The following DDHD2 variants were observed in gnomAD, a reference collection of about 807,000 sequenced individuals.
The protein encoded by DDHD2 is triacylglycerol hydrolase DDHD2.
DDHD2 carries 62 observed loss-of-function variants against 91.2 expected under a neutral mutation model. The ratio of observed to expected loss-of-function variants is 0.68; its 90% CI spans 0.55 to 0.84. DDHD2 has a LOEUF of 0.84. DDHD2 is among the 40% of genes least tolerant of loss of function. The pLI, the probability that DDHD2 is intolerant of heterozygous loss-of-function variation, is 0.00. For synonymous variants in DDHD2, 271 were observed against 293.9 expected (o/e 0.92, Z 0.80); for missense variants, 740 against 846.9 (o/e 0.87, Z 1.57).
rs746480457 is a variant in DDHD2, at chr8:38,252,731, G to A, written c.1627G>A (p.Val543Met). 6.2e-6 allele frequency: 10 copies of A among 1,612,770 alleles called. No homozygotes were observed. In the East Asian group the frequency reaches 1.8e-4, roughly 29 times the overall value. The change falls in exon 14 of 18, where the codon GTG becomes ATG. Residue 543 changes from valine (V) to methionine (M), a missense_variant. By Grantham distance (21) the Val-to-Met change is conservative. This residue lies in a region of DDHD2 where 693 missense variants were observed against 764.2 expected (regional missense o/e 0.91). Coordinates refer to ENST00000397166, the MANE Select transcript of DDHD2 (RefSeq NM_015214.3). ...TGTTTTTCCTATGTAGTTTGATCCTGTGGCCTATAGGATTGAACCAATGGT... is the reference window on the plus strand; with the variant it reads ...TGTTTTTCCTATGTAGTTTGATCCTATGGCCTATAGGATTGAACCAATGGT... ...FFNIYHPFDP[V>M]AYRIEPMVVP...
intron 3 of DDHD2, 70 bp downstream of exon 3, chr8:38,234,654 A>G (rs1804563532): frequency 7.5e-7 from 1 of 1,334,580 alleles, no homozygotes; most frequent in African/African-American, 1.5e-5. Flanking sequence ...TTCCTTTGTA[A>G]TTTATTTTGT....
In DDHD2 at chr8:38,252,173, A is replaced by G; in HGVS notation, c.1503A>G (p.Ile501Met). The G allele has an allele frequency of 6.2e-7, 1 of 1,614,192 alleles. No homozygotes were observed. The highest frequency in any genetic ancestry group is 8.5e-7 in the Non-Finnish European group (1 of 1,180,028). ...CCCGGCTCATCTATAAACCAGAGAT[A>G]TTCTTTGCCTTTGGATCTCCCATTG... is the stretch of plus-strand genomic sequence containing the variant. ...KYPRLIYKPE[I>M]FFAFGSPIGM... Residue 501 changes from isoleucine (I) to methionine (M), a missense_variant, in exon 13 of 18, where the codon ATA becomes ATG. Physicochemically the swap from Ile to Met is conservative, Grantham distance 10. This residue lies in a region of DDHD2 where 693 missense variants were observed against 764.2 expected (regional missense o/e 0.91). Coordinates refer to ENST00000397166, the MANE Select transcript of DDHD2 (RefSeq NM_015214.3).
rs1043941173 is a variant in DDHD2, at chr8:38,241,586, A to G, written c.713-664A>G. ...CAGGCGCACACCACCATGCCTGGCT[A>G]ATTTTTGTATTTTTAGTAGATGGGG... is the stretch of plus-strand genomic sequence containing the variant. On this transcript the variant is annotated intron_variant, in intron 6 of 17. Transcript: ENST00000397166. Among the ~76,000 whole-genome samples the G allele has an allele frequency of 4.0e-5, 6 of 151,390 alleles. 1 individual carries two copies. The highest frequency in any genetic ancestry group is 2.0e-4 in the Admixed American group (3 of 15,200).
rs1193237126 is a variant in DDHD2, at chr8:38,268,597, G to GGCAGCGCCACCAGTGAACA, written n.88-2516_88-2498dup. On this transcript the variant is annotated intron_variant and non_coding_transcript_variant, in intron 1 of 1. Transcript: ENST00000526071. ...TCTGAGTGCGCGTAACCGGGCGCCA[G>GGCAGCGCCACCAGTGAACA]GCAGCGCCACCAGTGAACAGCAGCG... The GGCAGCGCCACCAGTGAACA allele has an allele frequency of 4.8e-6, 7 of 1,454,644 alleles. No homozygotes were observed. The African/African-American group carries it at 9.9e-5, about 21-fold the overall frequency. 90.1% of individuals were successfully genotyped at this position (1,454,644 alleles called of 1,614,324 possible). A position where few individuals can be genotyped will look rare whatever the true frequency, so the allele number is the denominator to read the frequency against.
rs1398675996 is a variant in DDHD2 at position 38,261,839 on chromosome 8, T to C, written c.*1266T>C. On this transcript the variant is annotated 3_prime_UTR_variant, in exon 18 of 18. Transcript: ENST00000397166. ...GTCATTGTCTTTGTAGTTCTCTTTA[T>C]GATAATCCTTTATACTTGCTCTCAG... 1 of 152,224 alleles carries C rather than the reference T, an allele frequency of 6.6e-6. No homozygotes were observed. Among genetic ancestry groups the C allele is most frequent in the East Asian group, 1.9e-4 (1 of 5,206 alleles). 9.4% of individuals were successfully genotyped at this position (152,224 alleles called of 1,614,324 possible). A position where few individuals can be genotyped will look rare whatever the true frequency, so the allele number is the denominator to read the frequency against.
In DDHD2 at chr8:38,253,625, A is replaced by G. The variant is rs752343576; in HGVS notation, c.1961A>G (p.Asn654Ser). 4 of 1,614,092 alleles carry G rather than the reference A, an allele frequency of 2.5e-6. No homozygotes were observed. Among genetic ancestry groups the G allele is most frequent in the Non-Finnish European group, 3.4e-6 (4 of 1,179,900 alleles). ...CTGCCTATCAATGTGGGGATGCTGA[A>G]TGGAGGCCAACGCATTGACTATGTG... is the stretch of plus-strand genomic sequence containing the variant. Reference protein sequence around the residue: ...EVLPINVGMLNGGQRIDYVLQ... With the variant: ...EVLPINVGMLSGGQRIDYVLQ... The change falls in exon 16 of 18, where the codon AAT (asparagine) becomes AGT (serine). Residue 654 changes from asparagine to serine, a missense_variant. Coordinates refer to ENST00000397166, the MANE Select transcript of DDHD2 (RefSeq NM_015214.3).
Position 38,245,810 on chromosome 8 carries a change from A to G in DDHD2, c.917A>G (p.Asp306Gly). The G allele has an allele frequency of 6.2e-7, 1 of 1,614,182 alleles. No homozygotes were observed. The highest frequency in any genetic ancestry group is 8.5e-7 in the Non-Finnish European group (1 of 1,180,022). ...LRHFTNDTILDVFFYNSPTYC... is the reference protein window; with the variant it reads ...LRHFTNDTILGVFFYNSPTYC... ...CACTTCACCAATGACACAATTCTGGATGTCTTCTTCTACAATAGTCCCACC... is the reference window on the plus strand; with the variant it reads ...CACTTCACCAATGACACAATTCTGGGTGTCTTCTTCTACAATAGTCCCACC... The change falls in exon 8 of 18, where the codon GAT (aspartate) becomes GGT (glycine). Residue 306 changes from aspartate (D) to glycine (G), a missense_variant. By Grantham distance (94) the Asp-to-Gly change is moderately conservative. Coordinates refer to ENST00000397166, the MANE Select transcript of DDHD2 (RefSeq NM_015214.3).
At chr8:38,248,017 G>A (rs1805780472) in intron 10 of DDHD2, among the ~76,000 whole-genome samples, 182 bp downstream of exon 10, 1 of 152,064 alleles carries the variant, frequency 6.6e-6, no homozygotes, top group Admixed American at 6.5e-5. Flanking sequence ...AAGTTCAAAG[G>A]TCAGATGGCC....
downstream of DDHD2, chr8:38,264,247 A>G: frequency 1.3e-6 from 1 of 771,218 alleles, no homozygotes. Flanking sequence ...TCCCAGGTTC[A>G]AGCAATTCTC....
intron 4 of DDHD2, 23 bp from the exon 5 acceptor site, chr8:38,238,066 T>A: frequency 6.4e-7 from 1 of 1,566,492 alleles, no homozygotes; most frequent in Non-Finnish European, 8.6e-7. Flanking sequence ...ATATTTTTAT[T>A]GCTCTGATCT....
intron 7 of DDHD2, 120 bp from the exon 8 acceptor site, chr8:38,245,622 G>T (rs1392002842): frequency 2.9e-5 from 27 of 916,096 alleles, no homozygotes; most frequent in Admixed American, 2.2e-4. Flanking sequence ...TCCTCTTTTT[G>T]TTTTTTCCTA....
intron 7 of DDHD2, 119 bp downstream of exon 7, chr8:38,242,504 G>A (rs992101042): frequency 7.7e-6 from 8 of 1,040,440 alleles, no homozygotes; most frequent in Non-Finnish European, 1.1e-5. Flanking sequence ...TTAGAGATAT[G>A]CTATTAAATG....
chr8:38,238,300 A>G (rs1158474334), intron 5 of DDHD2, 91 bp downstream of exon 5: 2 of 1,556,076 alleles, frequency 1.3e-6, no homozygotes, highest in Non-Finnish European at 1.7e-6. Context: ...GATTACCTCA[A>G]GGCTTAAAAA....
chr8:38,264,069 GA>G (rs1212873432), downstream of DDHD2: 2 of 989,920 alleles, frequency 2.0e-6, no homozygotes, highest in Non-Finnish European at 2.4e-6. Flanking sequence ...CTTGGAAGGG[GA>G]AAAAAAGGCT....
At chr8:38,242,207 T>A in intron 6 of DDHD2, 43 bp from the exon 7 acceptor site, 1 of 1,492,454 alleles carries the variant, frequency 6.7e-7, no homozygotes, top group Non-Finnish European at 9.1e-7. Context: ...TTCTACAGAT[T>A]TGTTACTTCA....
intron 7 of DDHD2, 122 bp from the exon 8 acceptor site, chr8:38,245,616 CTTTT>C: frequency 2.3e-6 from 2 of 856,224 alleles, no homozygotes; most frequent in South Asian, 3.3e-5. Flanking sequence ...CCTTTGTCCT[CTTTT>C]TGTTTTTTCC....
In DDHD2 at chr8:38,252,765, G is replaced by A. The variant is rs762412967; in HGVS notation, c.1661G>A (p.Gly554Glu). Residue 554 changes from glycine to glutamate, a missense_variant, in exon 14 of 18, where the codon GGA (glycine) becomes GAA (glutamate). Physicochemically the swap from Gly to Glu is moderately conservative, Grantham distance 98. Coordinates refer to ENST00000397166, the MANE Select transcript of DDHD2 (RefSeq NM_015214.3). The part of the protein sequence containing the change: ...AYRIEPMVVP[G>E]VEFEPMLIPH... ...AGGATTGAACCAATGGTGGTCCCAG[G>A]AGTGGAATTTGAGCCAATGCTGATC... The A allele has an allele frequency of 1.2e-6, 2 of 1,613,984 alleles. No individual in the cohort carries two copies. Among genetic ancestry groups the A allele is most frequent in the Non-Finnish European group, 1.7e-6 (2 of 1,179,948 alleles).
chr8:38,266,519 G>C (rs375532892), downstream of DDHD2: 176 of 495,572 alleles, frequency 3.6e-4, 1 homozygote, highest in East Asian at 5.1e-3. Context: ...TCCTGCCTTA[G>C]CCTCCCGAGT....
At chr8:38,249,308 G>A (rs1805918411) in intron 10 of DDHD2, among the ~76,000 whole-genome samples, 1 of 151,554 alleles carries the variant, frequency 6.6e-6, no homozygotes, top group African/African-American at 2.4e-5. Context: ...TAGAGACGGG[G>A]TTTCACCATG....
Sources: gnomAD v4.1 joint callset for allele counts (sites outside exome capture counted in the v4.1 genomes callset) on GRCh38, gnomAD v4.1.1 for gene constraint, gnomAD v4.1.1 regional missense constraint, MANE v1.5 for transcripts, NCBI Gene and HGNC (gene_info 2026-07-23, HGNC 2026-07-21) for gene names.